NTRK3: variants seen among roughly 807,000 people sequenced by gnomAD.
The protein encoded by NTRK3 is neurotrophic receptor tyrosine kinase 3.
Under a neutral mutation model 91.7 loss-of-function variants are expected in NTRK3, and 24 were observed. The observed-to-expected ratio is 0.26, with a 90% CI of 0.19 to 0.37. The LOEUF is 0.37. Among genes scored for constraint, NTRK3 ranks in the 10% least tolerant of loss-of-function variants. The probability of loss-of-function intolerance (pLI) is 1.00; values close to 1 mark genes in which losing one functional copy is unlikely to be tolerated. For synonymous variants in NTRK3, 483 were observed against 404.0 expected (o/e 1.20, Z -2.34); for missense variants, 880 against 1,068.9 (o/e 0.82, Z 2.46).
intron 8 of NTRK3, 34 bp from the exon 9 acceptor site, chr15:88,136,074 A>G: frequency 3.7e-6 from 6 of 1,613,618 alleles, no homozygotes; most frequent in Non-Finnish European, 5.1e-6. Context: ...ACAATCAGAT[A>G]GCTTCTACAA....
exon 19 of NTRK3, chr15:87,862,543 T>TTC (rs2064555953): frequency 4.4e-6 from 1 of 226,766 alleles, no homozygotes; most frequent in South Asian, 1.8e-4. Flanking sequence ...CTGACTTGCC[T>TTC]TCCCAACACA....
intron 3 of NTRK3, among the ~76,000 whole-genome samples, chr15:88,244,325 T>A (rs545875778): frequency 6.6e-6 from 1 of 152,214 alleles, no homozygotes; most frequent in East Asian, 1.9e-4. Context: ...TCATAGCAAC[T>A]CTCCCAATAA....
rs138334639 is a variant in NTRK3, at chr15:88,229,435, A to G, written c.248+26471T>C. 1.1e-4 allele frequency among the ~76,000 whole-genome samples: 17 copies of G among 152,280 alleles called. 1 individual carries two copies. Among genetic ancestry groups the G allele is most frequent in the African/African-American group, 3.8e-4 (16 of 41,560 alleles). On this transcript the variant is annotated intron_variant, in intron 3 of 18. Coordinates refer to ENST00000394480, the Ensembl canonical transcript of NTRK3. ...GTTGAGTGACTCAATGACTGGAAAG[A>G]CCATCCACTTTACTAAATCTTCCAT...
intron 6 of NTRK3, among the ~76,000 whole-genome samples, chr15:88,146,540 T>G (rs1240600010): frequency 6.6e-6 from 1 of 152,204 alleles, no homozygotes; most frequent in Non-Finnish European, 1.5e-5. Flanking sequence ...ATGTCCTTCA[T>G]GCACAGAGAT....
At chr15:87,989,723 C>T (rs1158478117) in intron 14 of NTRK3, among the ~76,000 whole-genome samples, 1 of 151,948 alleles carries the variant, frequency 6.6e-6, no homozygotes, top group Non-Finnish European at 1.5e-5. Flanking sequence ...TCTCATGCCT[C>T]AGCCACTTAA....
chr15:87,983,886 A>G (rs1020527513), intron 14 of NTRK3, among the ~76,000 whole-genome samples: 7 of 152,128 alleles, frequency 4.6e-5, no homozygotes, highest in Non-Finnish European at 1.0e-4. Flanking sequence ...TTAGTTAGGA[A>G]GGTAAGCAGC....
intron 13 of NTRK3, among the ~76,000 whole-genome samples, chr15:88,067,230 A>T (rs117212308): frequency 2.8e-4 from 42 of 151,638 alleles, no homozygotes; most frequent in Non-Finnish European, 5.6e-4. Flanking sequence ...CCCACACGCC[A>T]TTTTTTTTCA....
chr15:88,225,256 G>A (rs558395665), intron 3 of NTRK3, among the ~76,000 whole-genome samples: 1 of 152,268 alleles, frequency 6.6e-6, no homozygotes, highest in African/African-American at 2.4e-5. Flanking sequence ...GCAGGTCGGG[G>A]TTTTGCTTGA....
intron 3 of NTRK3, among the ~76,000 whole-genome samples, chr15:88,211,515 T>G (rs913152980): frequency 1.4e-4 from 22 of 152,390 alleles, no homozygotes; most frequent in Non-Finnish European, 2.9e-4. Context: ...TCAATTATTT[T>G]GGGTATACAC....
intron 14 of NTRK3, among the ~76,000 whole-genome samples, chr15:87,986,674 A>G (rs114355971): frequency 2.0e-5 from 3 of 152,376 alleles, no homozygotes; most frequent in South Asian, 4.1e-4. Flanking sequence ...TTATCTGCCT[A>G]TTCTGCCAAC....
At chr15:88,190,407 G>A (rs1326889284) in intron 3 of NTRK3, among the ~76,000 whole-genome samples, 3 of 151,924 alleles carry the variant, frequency 2.0e-5, no homozygotes, top group East Asian at 3.9e-4. Flanking sequence ...ACATCAATAC[G>A]ACCAGCCTAA....
chr15:87,871,640 A>G (rs2064830111), exon 19 of NTRK3: 1 of 229,370 alleles, frequency 4.4e-6, no homozygotes, highest in East Asian at 6.2e-5. Context: ...CCAACTTTAC[A>G]AGATGACAGA....
chr15:88,032,263 G>A (rs530586333), intron 14 of NTRK3, among the ~76,000 whole-genome samples: 6 of 152,230 alleles, frequency 3.9e-5, no homozygotes, highest in Admixed American at 3.9e-4. Flanking sequence ...GAACCAACAG[G>A]AGAGGGGAGA....
At chr15:88,189,688 C>T (rs968333548) in intron 3 of NTRK3, among the ~76,000 whole-genome samples, 2 of 152,168 alleles carry the variant, frequency 1.3e-5, no homozygotes, top group Non-Finnish European at 2.9e-5. Flanking sequence ...AGGTGATCCA[C>T]CTGCCTCGGC....
chr15:88,235,307 G>C lies in NTRK3; in HGVS notation c.248+20599C>G, dbSNP rs368181671. Among the ~76,000 whole-genome samples, 49 of 152,252 alleles carry C rather than the reference G, an allele frequency of 3.2e-4. No individual in the cohort carries two copies. The highest frequency in any genetic ancestry group is 1.1e-3 in the African/African-American group (47 of 41,552). On this transcript the variant is annotated intron_variant, in intron 3 of 18. Coordinates refer to ENST00000394480, the Ensembl canonical transcript of NTRK3. This position sits in a 1 kb window ranked among gnomAD's most constrained non-coding sequence, Gnocchi z 5.2. The stretch of plus-strand genomic sequence containing the variant: ...GTCGCTGTCTACCCTACCCACAATA[G>C]CCTCCAGGCTCTGAGCTGGCAGGCT...
At chr15:88,063,683 T>C (rs1201844287) in intron 13 of NTRK3, among the ~76,000 whole-genome samples, 1 of 152,172 alleles carries the variant, frequency 6.6e-6, no homozygotes, top group Non-Finnish European at 1.5e-5. Flanking sequence ...CAGGCACATA[T>C]CTATTTTATC....
At position 88,235,202 on chromosome 15, in the gene NTRK3, C is replaced by T. The variant is rs2051584914; in HGVS notation, c.248+20704G>A. On this transcript the variant is annotated intron_variant, in intron 3 of 18. Transcript: ENST00000394480. This position sits in a 1 kb window ranked among gnomAD's most constrained non-coding sequence, Gnocchi z 5.2. ...TGCATATCAACGGATGGCCTCTATC[C>T]ACTGAATTGTAAGGTCCCAGGCCAG... Among the ~76,000 whole-genome samples the T allele has an allele frequency of 6.6e-6, 1 of 152,172 alleles. No homozygotes were observed. The highest frequency in any genetic ancestry group is 1.5e-5 in the Non-Finnish European group (1 of 68,034).
At chr15:88,146,287 T>G (rs2042884328) in intron 6 of NTRK3, among the ~76,000 whole-genome samples, 1 of 152,138 alleles carries the variant, frequency 6.6e-6, no homozygotes, top group African/African-American at 2.4e-5. Flanking sequence ...GATGCATCCA[T>G]GAAGTCAGGT....
chr15:88,163,801 C>T (rs1381999198), intron 5 of NTRK3, among the ~76,000 whole-genome samples: 2 of 152,184 alleles, frequency 1.3e-5, no homozygotes, highest in Non-Finnish European at 2.9e-5. Flanking sequence ...CAGCTCACAT[C>T]TATTATCCTG....
Sources: allele counts gnomAD v4.1 joint callset (sites outside exome capture counted in the v4.1 genomes callset), GRCh38; gene constraint gnomAD v4.1.1; non-coding constraint Gnocchi (gnomAD v3.1); transcripts MANE v1.5; gene names NCBI Gene and HGNC (gene_info 2026-07-23, HGNC 2026-07-21).